Variants in KMT5C observed in about 807,000 individuals in gnomAD.
KMT5C encodes the protein histone-lysine N-methyltransferase KMT5C.
Under a neutral mutation model 38.2 loss-of-function variants are expected in KMT5C, and 16 were observed. The ratio of observed to expected loss-of-function variants is 0.42; its 90% CI spans 0.28 to 0.64. The LOEUF (loss-of-function observed/expected upper bound fraction) is 0.64. Ranked by LOEUF, KMT5C falls within the 30% of genes least tolerant of loss-of-function variation. The pLI, the probability that KMT5C is intolerant of heterozygous loss-of-function variation, is 0.23. For synonymous variants in KMT5C, 291 were observed against 279.0 expected (o/e 1.04, Z -0.43); for missense variants, 598 against 665.1 (o/e 0.90, Z 1.11).
chr19:55,340,712 C>T (rs1038710607), intron 1 of KMT5C, among the ~76,000 whole-genome samples: 1 of 152,076 alleles, frequency 6.6e-6, no homozygotes, highest in African/African-American at 2.4e-5. Flanking sequence ...CCCCCCGACC[C>T]AGGTCTCCCG....
intron 6 of KMT5C, chr19:55,345,952 T>C (rs1211783692): frequency 1.9e-6 from 1 of 534,710 alleles, no homozygotes; most frequent in East Asian, 3.3e-5. Flanking sequence ...CTGCTGGCAC[T>C]GCACGCTGCC....
At chr19:55,345,048 G>A (rs759318752) in intron 6 of KMT5C, 3 of 456,012 alleles carry the variant, frequency 6.6e-6, no homozygotes, top group Non-Finnish European at 8.8e-6. Flanking sequence ...CACAGACGCT[G>A]GGGGGGATGG....
At chr19:55,346,426 C>T in intron 7 of KMT5C, 74 bp from the exon 8 acceptor site, 6 of 1,606,440 alleles carry the variant, frequency 3.7e-6, no homozygotes, top group Admixed American at 1.7e-5. Context: ...CGGGACCCAT[C>T]CCTGAGTGTG....
At position 55,346,974 on chromosome 19, in the gene KMT5C, G is replaced by A. The variant is rs750483810; in HGVS notation, c.914G>A (p.Arg305His). 2.3e-5 allele frequency: 24 copies of A among 1,049,304 alleles called. No homozygotes were observed. The highest frequency in any genetic ancestry group is 4.7e-5 in the East Asian group (2 of 42,208). 65.0% of individuals were successfully genotyped at this position (1,049,304 alleles called of 1,614,324 possible). The change falls in exon 9 of 9, where the codon CGC (arginine) becomes CAC (histidine). Residue 305 changes from arginine to histidine, a missense_variant. Around this residue, in one of 3 missense-constraint regions of KMT5C, gnomAD observed 326 missense variants for 298.1 expected, o/e 1.09. Coordinates refer to ENST00000255613, the MANE Select transcript of KMT5C (RefSeq NM_032701.4). The part of the protein sequence containing the change: ...DPFCAACQPL[R>H]LPACSARPDT... ...TTCACAGCCGCCTGCCAGCCCCTGC[G>A]CCTGCCAGCCTGCAGCGCCCGCCCA...
chr19:55,341,670 G>A (rs1465650778), intron 1 of KMT5C, 124 bp from the exon 2 acceptor site: 2 of 524,990 alleles, frequency 3.8e-6, no homozygotes, highest in African/African-American at 1.9e-5. Flanking sequence ...TGCGGAGCAA[G>A]AGCAAGAGCT....
intron 1 of KMT5C, chr19:55,341,576 G>A: frequency 3.3e-6 from 1 of 300,058 alleles, no homozygotes; most frequent in South Asian, 3.4e-5. Flanking sequence ...GTACATATGG[G>A]CAGGGGCATC....
At chr19:55,342,940 C>T in intron 4 of KMT5C, 89 bp downstream of exon 4, 1 of 862,008 alleles carries the variant, frequency 1.2e-6, no homozygotes. Context: ...GACTGGCCAA[C>T]CGGGGAAAAG....
At chr19:55,344,097 G>A (rs773747900) in intron 6 of KMT5C, 100 bp downstream of exon 6, 24 of 1,332,096 alleles carry the variant, frequency 1.8e-5, no homozygotes, top group South Asian at 5.3e-5. Context: ...AACACCGGCC[G>A]GGCGCGGTGG....
In KMT5C at chr19:55,342,295, C is replaced by T. The variant is rs760640609; in HGVS notation, c.191C>T (p.Ala64Val). ...TFLRQRDLEA[A>V]YRALTLGGWT... ...CTGAGGCAGCGGGACCTGGAGGCTG[C>T]GTACCGGGCCCTGACGCTGGGAGGC... Residue 64 changes from alanine to valine, a missense_variant, in exon 3 of 9, where the codon GCG becomes GTG. Physicochemically the swap from Ala to Val is moderately conservative, Grantham distance 64. This residue lies in a region of KMT5C where 167 missense variants were observed against 187.8 expected (regional missense o/e 0.89). Transcript: ENST00000255613. 15 of 1,596,336 alleles carry T rather than the reference C, an allele frequency of 9.4e-6. No homozygotes were observed. The highest frequency in any genetic ancestry group is 7.9e-5 in the South Asian group (7 of 88,572).
In KMT5C at chr19:55,346,523, C is replaced by T; in HGVS notation, c.731C>T (p.Thr244Ile). Residue 244 changes from threonine (T) to isoleucine (I), a missense_variant, in exon 8 of 9, where the codon ACC becomes ATC. This residue lies in a region of KMT5C where 105 missense variants were observed against 179.2 expected (regional missense o/e 0.59). Coordinates refer to ENST00000255613, the MANE Select transcript of KMT5C (RefSeq NM_032701.4). The part of the protein sequence containing the change: ...CERKGEGAFR[T>I]RPREPALPPR... ...AGGAAAGGTGAAGGAGCTTTCCGAA[C>T]CAGGCCTAGGGAGCCCGCGTTGCCA... The T allele has an allele frequency of 1.3e-6, 2 of 1,597,502 alleles. No homozygotes were observed. Among genetic ancestry groups the T allele is most frequent in the Non-Finnish European group, 1.7e-6 (2 of 1,172,632 alleles).
At chr19:55,345,053 G>C in intron 6 of KMT5C, 1 of 456,108 alleles carries the variant, frequency 2.2e-6, no homozygotes, top group South Asian at 1.5e-5. Flanking sequence ...ACGCTGGGGG[G>C]GATGGAAACA....
chr19:55,343,335 CG>C lies in KMT5C; in HGVS notation c.387-344del, dbSNP rs1250433783. The C allele has an allele frequency of 2.8e-6, 1 of 361,044 alleles. No homozygotes were observed. Among genetic ancestry groups the C allele is most frequent in the East Asian group, 5.4e-5 (1 of 18,394 alleles). 22.4% of individuals were successfully genotyped at this position (361,044 alleles called of 1,614,324 possible). The stretch of plus-strand genomic sequence containing the variant: ...GGCTCACACTGACAGGGGAAGCACC[CG>C]CCTGAGGGTCTGGTGGGGCGAGTAG... On this transcript the variant is annotated intron_variant, in intron 4 of 8. Transcript: ENST00000255613. The surrounding 1 kb of genome is among the most constrained non-coding windows in gnomAD (Gnocchi z 5.5).
At chr19:55,341,383 C>T (rs948682663) in intron 1 of KMT5C, among the ~76,000 whole-genome samples, 2 of 150,250 alleles carry the variant, frequency 1.3e-5, no homozygotes, top group African/African-American at 4.9e-5. Context: ...GGGCGGAGAC[C>T]GAGGCTGGGT....
chr19:55,341,637 T>G, intron 1 of KMT5C, 157 bp from the exon 2 acceptor site: 5 of 428,250 alleles, frequency 1.2e-5, no homozygotes, highest in East Asian at 4.8e-5. Context: ...GGTTGTGTGT[T>G]TAGGGGGGAT....
intron 1 of KMT5C, among the ~76,000 whole-genome samples, chr19:55,340,670 C>A (rs2089546446): frequency 6.6e-6 from 1 of 151,966 alleles, no homozygotes; most frequent in African/African-American, 2.4e-5. Flanking sequence ...ACTCACTGGA[C>A]ACCCAGGATC....
chr19:55,340,674 C>G (rs2089546516), intron 1 of KMT5C, among the ~76,000 whole-genome samples: 1 of 151,992 alleles, frequency 6.6e-6, no homozygotes, highest in Admixed American at 6.6e-5. Context: ...ACTGGACACC[C>G]AGGATCTTCT....
intron 1 of KMT5C, 186 bp from the exon 2 acceptor site, chr19:55,341,608 G>C: frequency 2.6e-6 from 1 of 387,366 alleles, no homozygotes; most frequent in Non-Finnish European, 4.8e-6. Context: ...GTCTGAGTGT[G>C]CATGGGTGTG....
chr19:55,342,413 G>A (rs1056131391), intron 3 of KMT5C, 33 bp downstream of exon 3: 43 of 1,418,108 alleles, frequency 3.0e-5, no homozygotes, highest in Admixed American at 2.6e-4. Flanking sequence ...CGCCCTCACC[G>A]CGTGTCCTCC....
chr19:55,343,309 A>G lies in KMT5C; in HGVS notation c.387-371A>G. ...GGAATGAGCAAGTGCTCCCAGGGCG[A>G]GGCTCACACTGACAGGGGAAGCACC... On this transcript the variant is annotated intron_variant, in intron 4 of 8. Coordinates refer to ENST00000255613, the MANE Select transcript of KMT5C (RefSeq NM_032701.4). The surrounding 1 kb of genome is among the most constrained non-coding windows in gnomAD (Gnocchi z 5.5). The G allele has an allele frequency of 3.0e-6, 1 of 332,310 alleles. No homozygotes were observed. The highest frequency in any genetic ancestry group is 5.7e-6 in the Non-Finnish European group (1 of 175,444). The allele number at this position is 332,310 out of a possible 1,614,324, so 20.6% of individuals were successfully genotyped here.
Sources: allele counts gnomAD v4.1 joint callset (sites outside exome capture counted in the v4.1 genomes callset), GRCh38; gene constraint gnomAD v4.1.1; regional missense constraint gnomAD v4.1.1; non-coding constraint Gnocchi (gnomAD v3.1); transcripts MANE v1.5; gene names NCBI Gene and HGNC (gene_info 2026-07-23, HGNC 2026-07-21).